ULK4: variants seen among roughly 807,000 people sequenced by gnomAD.
ULK4 encodes inactive serine/threonine-protein kinase ULK4.
In ULK4, 133 loss-of-function variants were observed where a neutral mutation model predicts 160.6. The observed-to-expected ratio is 0.83, with a 90% confidence interval of 0.72 to 0.96. ULK4 has a LOEUF of 0.96. Ranked by LOEUF, ULK4 falls within the 40% of genes least tolerant of loss-of-function variation. The pLI is 0.00. For missense variants in ULK4, 1,580 were observed against 1,499.5 expected, an observed-to-expected ratio of 1.05 and a Z score of -0.89; for synonymous variants, 534 against 539.8, an observed-to-expected ratio of 0.99 and a Z score of 0.15.
At chr3:41,907,110 CAAA>C (rs2148798510) in intron 12 of ULK4, among the ~76,000 whole-genome samples, 1 of 151,986 alleles carries the variant, frequency 6.6e-6, no homozygotes, top group African/African-American at 2.4e-5. Context: ...ATAATAAAGA[CAAA>C]AAAGACAAAC....
At chr3:41,810,422 G>A (rs1270415598) in intron 19 of ULK4, among the ~76,000 whole-genome samples, 10 of 152,134 alleles carry the variant, frequency 6.6e-5, no homozygotes, top group Non-Finnish European at 2.9e-5. Context: ...TTCCAGGTGG[G>A]TGGGATTTTA....
intron 25 of ULK4, among the ~76,000 whole-genome samples, chr3:41,710,754 GC>G (rs1301182444): frequency 6.7e-6 from 1 of 150,220 alleles, no homozygotes; most frequent in African/African-American, 2.5e-5. Flanking sequence ...AGATCGCTCC[GC>G]TGCACAAGCC....
At chr3:41,639,995 G>A (rs2034117571) in intron 30 of ULK4, among the ~76,000 whole-genome samples, 3 of 152,158 alleles carry the variant, frequency 2.0e-5, no homozygotes, top group African/African-American at 7.2e-5. Context: ...AGACCTGTGT[G>A]TGTATGAGAA....
chr3:41,836,839 T>C (rs2041773223), intron 17 of ULK4, among the ~76,000 whole-genome samples: 1 of 152,256 alleles, frequency 6.6e-6, no homozygotes, highest in South Asian at 2.1e-4. Flanking sequence ...CATACACTCA[T>C]TGCCAGAGTT....
At chr3:41,912,669 C>G in intron 9 of ULK4, 138 bp downstream of exon 9, 1 of 679,774 alleles carries the variant, frequency 1.5e-6, no homozygotes, top group South Asian at 2.5e-5. Flanking sequence ...CTCAAGCAAC[C>G]CTTAATTAAA....
At chr3:41,916,569 T>G (rs944516003) in intron 7 of ULK4, among the ~76,000 whole-genome samples, 1 of 152,130 alleles carries the variant, frequency 6.6e-6, no homozygotes, top group African/African-American at 2.4e-5. Flanking sequence ...TTGTTTATTT[T>G]TTATAGAGAT....
intron 3 of ULK4, chr3:41,937,083 A>G (rs1474829122): frequency 6.9e-6 from 3 of 434,280 alleles, no homozygotes; most frequent in Admixed American, 7.7e-5. Context: ...CAACAGCCAA[A>G]TTCAGTAAAA....
intron 35 of ULK4, among the ~76,000 whole-genome samples, chr3:41,254,283 CATATAAA>C (rs1021699049): frequency 1.8e-4 from 28 of 152,174 alleles, no homozygotes; most frequent in African/African-American, 4.8e-4. Flanking sequence ...AAATTGAAAC[CATATAAA>C]ATATATTCTC....
intron 30 of ULK4, among the ~76,000 whole-genome samples, chr3:41,637,923 T>C (rs2034022633): frequency 6.6e-6 from 1 of 152,218 alleles, no homozygotes; most frequent in African/African-American, 2.4e-5. Flanking sequence ...GTTCCTTATA[T>C]ATGTTGGATA....
At chr3:41,705,512 T>G (rs1304439268) in intron 25 of ULK4, among the ~76,000 whole-genome samples, 1 of 152,088 alleles carries the variant, frequency 6.6e-6, no homozygotes, top group South Asian at 2.1e-4. Flanking sequence ...CTTTTTTTTT[T>G]TGAGACAGCG....
At chr3:41,954,509 C>A in intron 2 of ULK4, 113 bp downstream of exon 2, 1 of 1,250,398 alleles carries the variant, frequency 8.0e-7, no homozygotes, top group African/African-American at 1.5e-5. Context: ...CCATTCCAGA[C>A]TGAAAATGTG....
chr3:41,279,274 AACAAAAC>A (rs1207188604), intron 35 of ULK4, among the ~76,000 whole-genome samples: 3 of 145,986 alleles, frequency 2.1e-5, no homozygotes, highest in African/African-American at 8.1e-5. Context: ...AAAAAAAAAA[AACAAAAC>A]GACAAAGCCT....
Position 41,306,255 on chromosome 3 carries a change from T to C in ULK4, c.3679-56681A>G, listed in dbSNP as rs570235659. Among the ~76,000 whole-genome samples the C allele has an allele frequency of 7.1e-3, 733 of 103,372 alleles. 32 individuals carry two copies. Among genetic ancestry groups the C allele is most frequent in the East Asian group, 0.052 (158 of 3,030 alleles). 67.8% of individuals were successfully genotyped at this position (103,372 alleles called of 152,430 possible). A position where few individuals can be genotyped will look rare whatever the true frequency, so the allele number is the denominator to read the frequency against. On this transcript the variant is annotated intron_variant, in intron 35 of 36. Transcript: ENST00000301831. ...GCCCCCCGCCCGGCCAGCCGCCCCGTCCGGGAGGTGAGGGGCGCCTCTGCC... is the reference window on the plus strand; with the variant it reads ...GCCCCCCGCCCGGCCAGCCGCCCCGCCCGGGAGGTGAGGGGCGCCTCTGCC...
At chr3:41,878,656 C>T (rs1000884844) in intron 17 of ULK4, among the ~76,000 whole-genome samples, 16 of 120,038 alleles carry the variant, frequency 1.3e-4, no homozygotes, top group African/African-American at 5.0e-4. Context: ...AGACAATAAT[C>T]GATTGATGTT....
At chr3:41,559,223 T>C (rs188710568) in intron 32 of ULK4, among the ~76,000 whole-genome samples, 2,292 of 140,498 alleles carry the variant, frequency 0.016, 81 homozygotes, top group African/African-American at 0.055. Context: ...TTTTTATGGC[T>C]GCATAGTATT....
intron 32 of ULK4, among the ~76,000 whole-genome samples, chr3:41,533,998 G>A (rs1347406192): frequency 5.3e-5 from 8 of 151,990 alleles, no homozygotes; most frequent in Non-Finnish European, 8.8e-5. Context: ...TAGTAGAGAC[G>A]GGGTTTCACC....
intron 21 of ULK4, among the ~76,000 whole-genome samples, chr3:41,760,485 A>G (rs2038950494): frequency 1.3e-5 from 2 of 152,212 alleles, no homozygotes; most frequent in South Asian, 2.1e-4. Flanking sequence ...AGCAATATTT[A>G]GTTATAATAC....
At chr3:41,961,745 A>G (rs1559679967) in intron 1 of ULK4, among the ~76,000 whole-genome samples, 1 of 152,192 alleles carries the variant, frequency 6.6e-6, no homozygotes. Flanking sequence ...CCCAAGCCGA[A>G]ACACACAAGC....
At chr3:41,516,291 G>A (rs1398149365) in intron 32 of ULK4, among the ~76,000 whole-genome samples, 1 of 152,012 alleles carries the variant, frequency 6.6e-6, no homozygotes, top group Non-Finnish European at 1.5e-5. Flanking sequence ...TATTAATTTG[G>A]GAAGCAGAGT....
Sources: gnomAD v4.1 joint callset for allele counts (sites outside exome capture counted in the v4.1 genomes callset) on GRCh38, gnomAD v4.1.1 for gene constraint, MANE v1.5 for transcripts, NCBI Gene and HGNC (gene_info 2026-07-23, HGNC 2026-07-21) for gene names.